KLHL32: variants seen among roughly 807,000 people sequenced by gnomAD.
The protein encoded by KLHL32 is kelch-like protein 32.
A neutral mutation model predicts 64.8 loss-of-function variants in KLHL32; 35 were observed. The observed-to-expected ratio is 0.54, with a 90% CI of 0.41 to 0.72. The LOEUF is 0.72. Ranked by LOEUF, KLHL32 falls within the 30% of genes least tolerant of loss-of-function variation. The pLI is 0.00. For synonymous variants in KLHL32, 259 were observed against 281.0 expected (o/e 0.92, Z 0.78); for missense variants, 589 against 768.5 (o/e 0.77, Z 2.76).
intron 7 of KLHL32, among the ~76,000 whole-genome samples, chr6:97,116,278 CT>C (rs1181416008): frequency 1.3e-5 from 2 of 152,160 alleles, no homozygotes. Context: ...TATCTAATTA[CT>C]GTTCCTTTTT....
intron 3 of KLHL32, among the ~76,000 whole-genome samples, chr6:97,013,737 T>C (rs1003200461): frequency 5.9e-5 from 9 of 152,228 alleles, no homozygotes; most frequent in Non-Finnish European, 1.0e-4. Context: ...AATTTTTCAG[T>C]GTTCCCAGAG....
At chr6:97,083,792 C>G (rs1792966482) in intron 5 of KLHL32, among the ~76,000 whole-genome samples, 1 of 152,076 alleles carries the variant, frequency 6.6e-6, no homozygotes, top group Non-Finnish European at 1.5e-5. Context: ...TTTTTGTTTC[C>G]CATCCACCGT....
At chr6:96,904,368 A>G in the KLHL32 span, among the ~76,000 whole-genome samples, 1 of 151,532 alleles carries the variant, frequency 6.6e-6, no homozygotes, top group Non-Finnish European at 1.5e-5. Context: ...AAGAAAAGAA[A>G]AAGAAAGAAA....
intron 5 of KLHL32, among the ~76,000 whole-genome samples, chr6:97,078,721 G>A (rs1277490417): frequency 6.6e-6 from 1 of 152,156 alleles, no homozygotes; most frequent in Non-Finnish European, 1.5e-5. Context: ...TTAAGGCTTT[G>A]TTTTGAAGGG....
At chr6:96,923,509 A>C (rs1203261253), upstream of KLHL32, among the ~76,000 whole-genome samples, 5 of 152,216 alleles carry the variant, frequency 3.3e-5, no homozygotes, top group Non-Finnish European at 7.3e-5. Context: ...TCCAGATATC[A>C]AAACCATGAA....
At chr6:97,113,740 C>T in intron 6 of KLHL32, 43 bp from the exon 7 acceptor site, 1 of 1,587,334 alleles carries the variant, frequency 6.3e-7, no homozygotes, top group South Asian at 1.1e-5. Flanking sequence ...CTCTTTCTTT[C>T]TTACCTTTGT....
At position 96,939,172 on chromosome 6, in the gene KLHL32, A is replaced by C. The variant is rs75633203; in HGVS notation, c.-66+14146A>C. Among the ~76,000 whole-genome samples the C allele has an allele frequency of 9.6e-4, 147 of 152,338 alleles. 3 individuals are homozygous for C. In the East Asian group the frequency reaches 0.024, roughly 25 times the overall value. On this transcript the variant is annotated intron_variant, in intron 1 of 10. Coordinates refer to ENST00000369261, the MANE Select transcript of KLHL32 (RefSeq NM_052904.4). Reference sequence around the variant, plus strand: ...GTCATTGCAGGATGAAAGTTAGAAAATACTGATGTATTCTGTGTTGTTATT... The same window carrying C: ...GTCATTGCAGGATGAAAGTTAGAAACTACTGATGTATTCTGTGTTGTTATT...
At chr6:97,123,088 T>C (rs1798528133) in intron 7 of KLHL32, among the ~76,000 whole-genome samples, 1 of 152,230 alleles carries the variant, frequency 6.6e-6, no homozygotes, top group Non-Finnish European at 1.5e-5. Flanking sequence ...TCCTGGAGTT[T>C]ACTCTATTTA....
chr6:96,957,957 T>G (rs1773451207), intron 1 of KLHL32, among the ~76,000 whole-genome samples: 1 of 152,228 alleles, frequency 6.6e-6, no homozygotes, highest in Non-Finnish European at 1.5e-5. Context: ...CAGAATACAT[T>G]GTACTTTTAC....
At chr6:96,979,782 C>G (rs1440909351) in intron 3 of KLHL32, among the ~76,000 whole-genome samples, 1 of 152,144 alleles carries the variant, frequency 6.6e-6, no homozygotes, top group East Asian at 1.9e-4. Context: ...TTGATTCTTC[C>G]TATCCATGAG....
At chr6:97,050,890 C>A (rs1345069167) in intron 4 of KLHL32, among the ~76,000 whole-genome samples, 1 of 152,066 alleles carries the variant, frequency 6.6e-6, no homozygotes, top group Admixed American at 6.5e-5. Context: ...GTAATCCCAG[C>A]TACTCAGGAG....
rs772794982 is a variant in KLHL32 at position 96,943,114 on chromosome 6, A to G, written c.-66+18088A>G. Among the ~76,000 whole-genome samples, 7 of 151,996 alleles carry G rather than the reference A, an allele frequency of 4.6e-5. No individual in the cohort carries two copies. The East Asian group carries it at 1.2e-3, about 25-fold the overall frequency. Reference sequence around the variant, plus strand: ...TATATGCACATACATATACACATATACACATACCAGCATATAGACACATAT... The same window carrying G: ...TATATGCACATACATATACACATATGCACATACCAGCATATAGACACATAT... On this transcript the variant is annotated intron_variant, in intron 1 of 10. Transcript: ENST00000369261.
intron 3 of KLHL32, chr6:96,994,595 T>C: frequency 1.0e-6 from 1 of 985,444 alleles, no homozygotes; most frequent in Non-Finnish European, 1.2e-6. Flanking sequence ...ATGGATCTTT[T>C]CCTTTATATT....
At chr6:97,033,873 TTTAA>T (rs746388136) in intron 3 of KLHL32, among the ~76,000 whole-genome samples, 2 of 152,096 alleles carry the variant, frequency 1.3e-5, no homozygotes, top group Non-Finnish European at 2.9e-5. Context: ...AATTCAGTTA[TTTAA>T]TTATTTATTT....
chr6:96,974,029 T>C (rs1775430514), intron 2 of KLHL32, among the ~76,000 whole-genome samples: 2 of 151,284 alleles, frequency 1.3e-5, no homozygotes, highest in Non-Finnish European at 3.0e-5. Context: ...ACTTCTTCTC[T>C]TTTTTTTTCC....
intron 4 of KLHL32, among the ~76,000 whole-genome samples, chr6:97,050,323 A>G (rs1461604911): frequency 2.0e-5 from 3 of 152,118 alleles, no homozygotes; most frequent in African/African-American, 7.2e-5. Flanking sequence ...AATGCCACAC[A>G]CCCCAACAGG....
intron 8 of KLHL32, among the ~76,000 whole-genome samples, chr6:97,130,106 A>G (rs1023504793): frequency 1.3e-5 from 2 of 152,210 alleles, no homozygotes; most frequent in Non-Finnish European, 2.9e-5. Flanking sequence ...CCATTACCCT[A>G]GCTTATCTAG....
chr6:96,944,038 A>G (rs1252029347), intron 1 of KLHL32, among the ~76,000 whole-genome samples: 1 of 152,164 alleles, frequency 6.6e-6, no homozygotes, highest in Non-Finnish European at 1.5e-5. Context: ...CTAGTTCACC[A>G]CCAGCATTAA....
In KLHL32 at chr6:97,114,300, C is replaced by T. The variant is rs779287994; in HGVS notation, c.1145C>T (p.Ala382Val). 1 of 1,614,142 alleles carries T rather than the reference C, an allele frequency of 6.2e-7. No individual in the cohort carries two copies. Among genetic ancestry groups the T allele is most frequent in the African/African-American group, 1.3e-5 (1 of 75,038 alleles). ...DPRSNSWAEIAPMKNCREHFV... is the reference protein window; with the variant it reads ...DPRSNSWAEIVPMKNCREHFV... ...CGCAGTAATTCCTGGGCAGAGATAGCACCCATGAAAAACTGCCGGGAGCAT... is the reference window on the plus strand; with the variant it reads ...CGCAGTAATTCCTGGGCAGAGATAGTACCCATGAAAAACTGCCGGGAGCAT... Residue 382 changes from alanine to valine, a missense_variant, in exon 7 of 11, where the codon GCA becomes GTA. Physicochemically the swap from Ala to Val is moderately conservative, Grantham distance 64. Coordinates refer to ENST00000369261, the MANE Select transcript of KLHL32 (RefSeq NM_052904.4).
Sources: gnomAD v4.1 joint callset for allele counts (sites outside exome capture counted in the v4.1 genomes callset) on GRCh38, gnomAD v4.1.1 for gene constraint, MANE v1.5 for transcripts, NCBI Gene and HGNC (gene_info 2026-07-23, HGNC 2026-07-21) for gene names.